The following GALNT13 variants were observed in gnomAD, a reference collection of about 807,000 sequenced individuals.
GALNT13 encodes polypeptide N-acetylgalactosaminyltransferase 13.
In GALNT13, 28 loss-of-function variants were observed where a neutral mutation model predicts 64.2. The ratio of observed to expected loss-of-function variants is 0.44; its 90% CI spans 0.32 to 0.60. The LOEUF (loss-of-function observed/expected upper bound fraction) is 0.60, where lower values mean the gene tolerates loss of function less well. Ranked by LOEUF, GALNT13 falls within the 20% of genes least tolerant of loss-of-function variation. The pLI is 0.05. For synonymous variants in GALNT13, 214 were observed against 224.6 expected (o/e 0.95, Z 0.42); for missense variants, 577 against 669.8 (o/e 0.86, Z 1.53).
chr2:154,101,954 A>G (rs926731307), intron 3 of GALNT13, among the ~76,000 whole-genome samples: 3 of 152,076 alleles, frequency 2.0e-5, no homozygotes, highest in African/African-American at 7.2e-5. Flanking sequence ...TTGAATTTTA[A>G]GAGTTCCTCT....
chr2:153,384,869 G>A, the GALNT13 span, among the ~76,000 whole-genome samples: 1 of 151,734 alleles, frequency 6.6e-6, no homozygotes, highest in South Asian at 2.1e-4. Context: ...GGTACTGTGA[G>A]GTACACAAAA....
intron 1 of GALNT13, among the ~76,000 whole-genome samples, chr2:153,885,327 T>C (rs1250827614): frequency 6.6e-6 from 1 of 152,106 alleles, no homozygotes; most frequent in Non-Finnish European, 1.5e-5. Context: ...CTTTACTTTG[T>C]GTCTAACTGA....
At chr2:153,129,670 G>C in the GALNT13 span, among the ~76,000 whole-genome samples, 1 of 152,066 alleles carries the variant, frequency 6.6e-6, no homozygotes, top group Non-Finnish European at 1.5e-5. Context: ...CTACTCAGGG[G>C]GCTGAGGCAG....
the GALNT13 span, among the ~76,000 whole-genome samples, chr2:153,169,819 A>G: frequency 2.0e-5 from 3 of 152,204 alleles, no homozygotes; most frequent in Admixed American, 1.3e-4. Flanking sequence ...TACAACCCCT[A>G]CTGTTGTTAG....
At chr2:153,361,671 G>GA in the GALNT13 span, among the ~76,000 whole-genome samples, 2 of 151,756 alleles carry the variant, frequency 1.3e-5, no homozygotes, top group South Asian at 2.1e-4. Flanking sequence ...CAAGATTTTA[G>GA]AAAAAAAGAA....
chr2:153,866,592 A>G, the GALNT13 span, among the ~76,000 whole-genome samples: 1 of 152,314 alleles, frequency 6.6e-6, no homozygotes, highest in African/African-American at 2.4e-5. Flanking sequence ...TATTAGTATA[A>G]AGCTTAGTTT....
chr2:153,987,589 T>G (rs1426734172), intron 3 of GALNT13, among the ~76,000 whole-genome samples: 1 of 151,860 alleles, frequency 6.6e-6, no homozygotes, highest in African/African-American at 2.4e-5. Flanking sequence ...CATATTAACT[T>G]ATGAAAGAGC....
At chr2:153,641,826 T>C in the GALNT13 span, among the ~76,000 whole-genome samples, 1 of 152,140 alleles carries the variant, frequency 6.6e-6, no homozygotes, top group African/African-American at 2.4e-5. Flanking sequence ...AAATATAGAA[T>C]GAGAATACAG....
At chr2:154,057,466 A>G (rs1252587979) in intron 3 of GALNT13, among the ~76,000 whole-genome samples, 2 of 152,192 alleles carry the variant, frequency 1.3e-5, no homozygotes, top group East Asian at 1.9e-4. Flanking sequence ...TTAAATATTT[A>G]TGTAGTACTG....
intron 9 of GALNT13, among the ~76,000 whole-genome samples, chr2:154,339,901 G>A (rs1438869066): frequency 6.6e-6 from 1 of 152,058 alleles, no homozygotes; most frequent in Non-Finnish European, 1.5e-5. Flanking sequence ...AGGTTTATCA[G>A]CAGGTGAAAT....
the GALNT13 span, among the ~76,000 whole-genome samples, chr2:153,703,961 T>A: frequency 6.6e-6 from 1 of 152,148 alleles, no homozygotes; most frequent in Non-Finnish European, 1.5e-5. Context: ...AATTTCTATG[T>A]TTCTAATAAC....
chr2:153,171,290 A>C, the GALNT13 span, among the ~76,000 whole-genome samples: 1 of 152,356 alleles, frequency 6.6e-6, no homozygotes, highest in Admixed American at 6.5e-5. Flanking sequence ...TTGTTTTGGC[A>C]ACTAATTGAG....
the GALNT13 span, among the ~76,000 whole-genome samples, chr2:153,810,505 A>G: frequency 6.6e-6 from 1 of 152,216 alleles, no homozygotes; most frequent in East Asian, 1.9e-4. Context: ...ACATTCCATC[A>G]ACTTTATTTT....
chr2:154,128,020 C>T (rs538675395), intron 3 of GALNT13, among the ~76,000 whole-genome samples: 291 of 151,966 alleles, frequency 1.9e-3, no homozygotes, highest in African/African-American at 6.3e-3. Context: ...AAAGTAAGTA[C>T]ACACGATATG....
At chr2:153,709,823 G>A in the GALNT13 span, among the ~76,000 whole-genome samples, 4 of 151,942 alleles carry the variant, frequency 2.6e-5, no homozygotes, top group Admixed American at 2.6e-4. Flanking sequence ...AATAAGTTCT[G>A]TCATTGTGAC....
At chr2:153,254,547 T>C in the GALNT13 span, among the ~76,000 whole-genome samples, 3 of 152,220 alleles carry the variant, frequency 2.0e-5, no homozygotes. Context: ...TCTAGTTCTT[T>C]TAATTGTGAT....
chr2:154,283,527 G>A (rs902909454), intron 8 of GALNT13, among the ~76,000 whole-genome samples: 11 of 149,214 alleles, frequency 7.4e-5, no homozygotes, highest in African/African-American at 2.5e-4. Flanking sequence ...ATTATACTTC[G>A]AGATCGCACC....
At chr2:153,720,795 G>T in the GALNT13 span, among the ~76,000 whole-genome samples, 1 of 148,742 alleles carries the variant, frequency 6.7e-6, no homozygotes, top group East Asian at 2.0e-4. Flanking sequence ...AAGCCTCCAA[G>T]AAATATGGGA....
the GALNT13 span, among the ~76,000 whole-genome samples, chr2:153,770,897 C>A: frequency 6.6e-6 from 1 of 152,186 alleles, no homozygotes; most frequent in Admixed American, 6.5e-5. Context: ...AGCCATCAAG[C>A]ACCTAGAGGT....
Sources: gnomAD v4.1 joint callset for allele counts (sites outside exome capture counted in the v4.1 genomes callset) on GRCh38, gnomAD v4.1.1 for gene constraint, MANE v1.5 for transcripts, NCBI Gene and HGNC (gene_info 2026-07-23, HGNC 2026-07-21) for gene names.